ATF3: variants seen among roughly 807,000 people sequenced by gnomAD.
ATF3 encodes the protein cyclic AMP-dependent transcription factor ATF-3.
A neutral mutation model predicts 18.4 loss-of-function variants in ATF3; 10 were observed. The ratio of observed to expected loss-of-function variants is 0.54; its 90% CI spans 0.34 to 0.92. The LOEUF (loss-of-function observed/expected upper bound fraction) is 0.92. Among genes scored for constraint, ATF3 ranks in the 40% least tolerant of loss-of-function variants. The pLI is 0.02. For missense variants in ATF3, 183 were observed against 222.3 expected, an observed-to-expected ratio of 0.82 and a Z score of 1.12; for synonymous variants, 78 against 87.9, an observed-to-expected ratio of 0.89 and a Z score of 0.63.
chr1:212,601,330 C>T (rs1047311069), intron 1 of ATF3, among the ~76,000 whole-genome samples: 14 of 152,146 alleles, frequency 9.2e-5, no homozygotes, highest in African/African-American at 3.4e-4. Context: ...AGCATGTATC[C>T]TCTGGGACAT....
intron 1 of ATF3, among the ~76,000 whole-genome samples, chr1:212,571,958 C>T (rs1327545249): frequency 9.2e-5 from 14 of 151,820 alleles, no homozygotes; most frequent in African/African-American, 2.4e-4. Flanking sequence ...GTGATCCGCC[C>T]GGCTCGGCCT....
chr1:212,609,464 G>T (rs1304148486), intron 1 of ATF3, among the ~76,000 whole-genome samples: 3 of 152,212 alleles, frequency 2.0e-5, no homozygotes, highest in African/African-American at 7.2e-5. Context: ...GGGAAGGGGC[G>T]AGAGGGCGGG....
At chr1:212,570,318 A>T (rs534962869) in intron 1 of ATF3, among the ~76,000 whole-genome samples, 28 of 152,242 alleles carry the variant, frequency 1.8e-4, no homozygotes, top group African/African-American at 6.7e-4. Context: ...TTTTCTTCTA[A>T]TAGAAAACAG....
intron 2 of ATF3, among the ~76,000 whole-genome samples, chr1:212,617,556 G>A (rs999061605): frequency 6.6e-5 from 10 of 152,298 alleles, no homozygotes; most frequent in Admixed American, 3.3e-4. Flanking sequence ...GATTAATGCC[G>A]CTTTGGTTGG....
chr1:212,616,573 C>T (rs377518540), intron 2 of ATF3, among the ~76,000 whole-genome samples: 63 of 152,298 alleles, frequency 4.1e-4, no homozygotes, highest in African/African-American at 1.4e-3. Context: ...GCTGGGATTA[C>T]AGGTGTGAGC....
chr1:212,575,777 G>T (rs568266061), intron 1 of ATF3, among the ~76,000 whole-genome samples: 4 of 152,164 alleles, frequency 2.6e-5, no homozygotes, highest in African/African-American at 9.6e-5. Flanking sequence ...ATACTAAAAA[G>T]ATAAAAGATA....
At chr1:212,579,921 G>A (rs1664648882) in intron 1 of ATF3, among the ~76,000 whole-genome samples, 3 of 151,888 alleles carry the variant, frequency 2.0e-5, no homozygotes, top group African/African-American at 4.8e-5. Context: ...GAGGCAGGTG[G>A]ATCATGAGGT....
intron 1 of ATF3, among the ~76,000 whole-genome samples, chr1:212,611,867 C>T (rs142957767): frequency 7.9e-4 from 120 of 152,302 alleles, no homozygotes; most frequent in African/African-American, 2.8e-3. Context: ...AAACAAAATG[C>T]AAGTTCTTGG....
chr1:212,610,640 T>G (rs1433015719), intron 1 of ATF3, among the ~76,000 whole-genome samples: 5 of 152,346 alleles, frequency 3.3e-5, no homozygotes, highest in Admixed American at 6.5e-5. Context: ...TCCTTGCCCT[T>G]TAGCCATTAT....
Position 212,615,265 on chromosome 1 carries a change from G to T in ATF3, c.240+4G>T. ...GGTGTCCATCACAAAAGCCGAGGTG[G>T]GTTCTATCACAGGTATTCATTCTTT... On this transcript the variant is annotated splice_donor_region_variant and intron_variant, in intron 2 of 3. Transcript: ENST00000341491. 6.2e-7 allele frequency: 1 copy of T among 1,608,916 alleles called. No individual in the cohort carries two copies. Among genetic ancestry groups the T allele is most frequent in the Non-Finnish European group, 8.5e-7 (1 of 1,179,648 alleles).
At chr1:212,568,378 C>T (rs1417977942) in intron 1 of ATF3, among the ~76,000 whole-genome samples, 1 of 152,164 alleles carries the variant, frequency 6.6e-6, no homozygotes, top group Admixed American at 6.5e-5. Context: ...AGCCTCGTCT[C>T]TTGAGTATAT....
Position 212,567,008 on chromosome 1 carries a change from T to A in ATF3, c.-5+1525T>A, listed in dbSNP as rs61830687. ...CTGTTTATTCTTCACATAAACAGAT[T>A]AACCTAGGGGTAGCGATTTTACTTA... On this transcript the variant is annotated intron_variant, in intron 1 of 3. Transcript: ENST00000366981. Among the ~76,000 whole-genome samples the A allele has an allele frequency of 4.5e-3, 679 of 152,334 alleles. 4 individuals are homozygous for A. The highest frequency in any genetic ancestry group is 7.2e-3 in the Non-Finnish European group (491 of 68,024).
intron 1 of ATF3, among the ~76,000 whole-genome samples, chr1:212,577,565 AC>A (rs35202624): frequency 7.1e-5 from 10 of 140,350 alleles, no homozygotes; most frequent in Non-Finnish European, 1.3e-4. Flanking sequence ...CACCAGCCCC[AC>A]CCCCATCCTA....
intron 1 of ATF3, among the ~76,000 whole-genome samples, chr1:212,593,876 T>A (rs1664940665): frequency 1.3e-5 from 2 of 152,304 alleles, no homozygotes; most frequent in South Asian, 4.1e-4. Context: ...TTTCTGTAGA[T>A]CTTTAAAACT....
At chr1:212,580,922 C>T (rs1037012953) in intron 1 of ATF3, among the ~76,000 whole-genome samples, 2 of 152,144 alleles carry the variant, frequency 1.3e-5, no homozygotes, top group South Asian at 4.1e-4. Flanking sequence ...GTGCCCCCCA[C>T]CATGCCCGGC....
Position 212,572,303 on chromosome 1 carries a change from G to C in ATF3, c.-5+6820G>C, listed in dbSNP as rs568792364. Among the ~76,000 whole-genome samples, 47 of 152,112 alleles carry C rather than the reference G, an allele frequency of 3.1e-4. 1 individual carries two copies. The South Asian group carries it at 9.4e-3, about 30-fold the overall frequency. Reference sequence around the variant, plus strand: ...AAGCAGAGGCGGGCGGATCCCCTGAGGTAGGGGGTTCGAGACCAGCCTGAC... The same window carrying C: ...AAGCAGAGGCGGGCGGATCCCCTGACGTAGGGGGTTCGAGACCAGCCTGAC... On this transcript the variant is annotated intron_variant, in intron 1 of 3. Transcript: ENST00000366981.
At chr1:212,585,068 G>T (rs951021813) in intron 1 of ATF3, among the ~76,000 whole-genome samples, 1 of 152,182 alleles carries the variant, frequency 6.6e-6, no homozygotes, top group Non-Finnish European at 1.5e-5. Flanking sequence ...TACAAGATAA[G>T]ATGTGTTCTG....
rs540950185 is a variant in ATF3 at position 212,609,833 on chromosome 1, C to T, written c.-5+903C>T. Among the ~76,000 whole-genome samples the T allele has an allele frequency of 2.0e-5, 3 of 152,334 alleles. No homozygotes were observed. The South Asian group carries it at 6.2e-4, about 32-fold the overall frequency. Reference sequence around the variant, plus strand: ...TGAGCGCTTACACTGCAATCGATGTCGTTGGGCCTCAGTATGCGGAGCCGG... The same window carrying T: ...TGAGCGCTTACACTGCAATCGATGTTGTTGGGCCTCAGTATGCGGAGCCGG... On this transcript the variant is annotated intron_variant, in intron 1 of 3. Coordinates refer to ENST00000341491, the MANE Select transcript of ATF3 (RefSeq NM_001674.4).
At position 212,572,444 on chromosome 1, in the gene ATF3, G is replaced by A. The variant is rs536114262; in HGVS notation, c.-5+6961G>A. Among the ~76,000 whole-genome samples, 31 of 152,270 alleles carry A rather than the reference G, an allele frequency of 2.0e-4. No individual in the cohort carries two copies. The East Asian group carries it at 5.4e-3, about 27-fold the overall frequency. ...AGGCAGAGAAGGATGGCTTGAACCCGGGAGGCGGAGGTTGCAGTGAGCTGA... is the reference window on the plus strand; with the variant it reads ...AGGCAGAGAAGGATGGCTTGAACCCAGGAGGCGGAGGTTGCAGTGAGCTGA... On this transcript the variant is annotated intron_variant, in intron 1 of 3. Transcript: ENST00000366981.
Sources: allele counts gnomAD v4.1 joint callset (sites outside exome capture counted in the v4.1 genomes callset), GRCh38; gene constraint gnomAD v4.1.1; transcripts MANE v1.5; gene names NCBI Gene and HGNC (gene_info 2026-07-23, HGNC 2026-07-21).